Variants in MINDY2 observed in about 807,000 individuals in gnomAD.
MINDY2 encodes MINDY lysine 48 deubiquitinase 2.
In MINDY2, 52 loss-of-function variants were observed where a neutral mutation model predicts 68.2. That is an observed-to-expected ratio of 0.76 (90% CI 0.61 to 0.96). MINDY2 has a LOEUF of 0.96. MINDY2 is among the 40% of genes least tolerant of loss of function. MINDY2 has a pLI of 0.00. For missense variants in MINDY2, 881 were observed against 773.4 expected (o/e 1.14, Z -1.65); for synonymous variants, 372 against 303.0 (o/e 1.23, Z -2.36).
intron 5 of MINDY2, among the ~76,000 whole-genome samples, chr15:58,831,472 T>G (rs1359109841): frequency 6.6e-6 from 1 of 152,240 alleles, no homozygotes; most frequent in Admixed American, 6.5e-5. Context: ...AGTTTTATTG[T>G]GTCTGCTTTT....
intron 1 of MINDY2, among the ~76,000 whole-genome samples, chr15:58,775,032 T>C (rs1900691255): frequency 6.6e-6 from 1 of 152,206 alleles, no homozygotes; most frequent in Admixed American, 6.5e-5. Context: ...AGTAGAGCAG[T>C]ATTCTCAAAG....
At chr15:58,833,595 A>G (rs374080449) in intron 6 of MINDY2, among the ~76,000 whole-genome samples, 1 of 152,166 alleles carries the variant, frequency 6.6e-6, no homozygotes, top group Non-Finnish European at 1.5e-5. Flanking sequence ...CACGTGAACA[A>G]ATGTCTCTGC....
In MINDY2 at chr15:58,787,932, C is replaced by T. The variant is rs1567041998; in HGVS notation, c.867C>T (p.Ile289=). Residue 289 remains isoleucine, a synonymous_variant, in exon 2 of 9, where the codon ATC becomes ATT. Transcript: ENST00000559228. ...WKVKLPPMME[I]ITAEQLMEYL... ...TGAAACTTCCACCGATGATGGAAAT[C>T]ATAACTGCTGAGCAGCTGATGGAAT... 1 of 1,597,664 alleles carries T rather than the reference C, an allele frequency of 6.3e-7. No homozygotes were observed. The highest frequency in any genetic ancestry group is 8.5e-7 in the Non-Finnish European group (1 of 1,173,504).
intron 3 of MINDY2, among the ~76,000 whole-genome samples, chr15:58,808,062 CTTCCTTTTCA>C (rs1429892865): frequency 6.6e-6 from 1 of 151,952 alleles, no homozygotes; most frequent in African/African-American, 2.4e-5. Context: ...TCCATCCTTC[CTTCCTTTTCA>C]GTGCATTCAC....
chr15:58,771,328 G>T lies in MINDY2; in HGVS notation c.-68G>T. 1.3e-6 allele frequency: 2 copies of T among 1,542,646 alleles called. No homozygotes were observed. Among genetic ancestry groups the T allele is most frequent in the South Asian group, 2.4e-5 (2 of 83,908 alleles). ...CTGTTGCTGCCAATACAGCTGTCATGGCGTCCAAGGCGCTGGCTGCGGAGA... is the reference window on the plus strand; with the variant it reads ...CTGTTGCTGCCAATACAGCTGTCATTGCGTCCAAGGCGCTGGCTGCGGAGA... On this transcript the variant is annotated 5_prime_UTR_variant, in exon 1 of 9. It removes an upstream start codon present in the reference 5' UTR. Coordinates refer to ENST00000559228, the MANE Select transcript of MINDY2 (RefSeq NM_001040450.3).
chr15:58,816,504 C>G (rs1218909250), intron 4 of MINDY2, among the ~76,000 whole-genome samples: 1 of 151,994 alleles, frequency 6.6e-6, no homozygotes, highest in Admixed American at 6.6e-5. Flanking sequence ...TCAGATGGCT[C>G]AAGGAATCCT....
chr15:58,815,071 G>A (rs928907850), intron 4 of MINDY2, among the ~76,000 whole-genome samples: 2 of 152,032 alleles, frequency 1.3e-5, no homozygotes, highest in East Asian at 1.9e-4. Context: ...GAGTTTTATA[G>A]TTTTAGCACT....
At chr15:58,834,651 G>A (rs1257065868) in intron 6 of MINDY2, among the ~76,000 whole-genome samples, 1 of 151,902 alleles carries the variant, frequency 6.6e-6, no homozygotes, top group Non-Finnish European at 1.5e-5. Context: ...TCTTTTTTTA[G>A]CCCTTATTGG....
chr15:58,777,235 G>T (rs1195943979), intron 1 of MINDY2, among the ~76,000 whole-genome samples: 1 of 152,158 alleles, frequency 6.6e-6, no homozygotes, highest in Non-Finnish European at 1.5e-5. Flanking sequence ...CAAGACTTGG[G>T]CTTTTCTTTC....
At chr15:58,818,793 C>G (rs1287942160) in intron 4 of MINDY2, among the ~76,000 whole-genome samples, 1 of 151,788 alleles carries the variant, frequency 6.6e-6, no homozygotes, top group African/African-American at 2.4e-5. Flanking sequence ...GTGCCCACCA[C>G]CACGCCTGGC....
At chr15:58,844,106 C>CA (rs1307393393) in intron 6 of MINDY2, among the ~76,000 whole-genome samples, 1 of 151,996 alleles carries the variant, frequency 6.6e-6, no homozygotes, top group African/African-American at 2.4e-5. Context: ...CATAATCTAG[C>CA]AAAAGTGCTG....
rs1174972426 is a variant in MINDY2, at chr15:58,771,356, T to A, written c.-40T>A. 6.4e-7 allele frequency: 1 copy of A among 1,570,852 alleles called. No homozygotes were observed. The highest frequency in any genetic ancestry group is 2.4e-5 in the East Asian group (1 of 42,442). On this transcript the variant is annotated 5_prime_UTR_variant, in exon 1 of 9. Transcript: ENST00000559228. ...GTCCAAGGCGCTGGCTGCGGAGAAG[T>A]GGCCGCGGTCTCCATAGAGCTGGGG...
intron 1 of MINDY2, among the ~76,000 whole-genome samples, chr15:58,784,914 C>A (rs535133973): frequency 7.2e-5 from 11 of 151,794 alleles, no homozygotes; most frequent in Non-Finnish European, 1.5e-4. Context: ...GGACTGTAGA[C>A]GTGAGCCACC....
chr15:58,809,877 T>G (rs1222220207), intron 3 of MINDY2, among the ~76,000 whole-genome samples: 1 of 152,170 alleles, frequency 6.6e-6, no homozygotes, highest in Non-Finnish European at 1.5e-5. Context: ...CCTACTGGGT[T>G]CAAGTGATCC....
intron 5 of MINDY2, among the ~76,000 whole-genome samples, chr15:58,831,408 A>C (rs2031721370): frequency 6.6e-6 from 1 of 151,820 alleles, no homozygotes; most frequent in East Asian, 1.9e-4. Context: ...TTTCTTTCCC[A>C]CCCATTTTTA....
chr15:58,847,056 A>G (rs11071399), intron 6 of MINDY2, among the ~76,000 whole-genome samples: 87,162 of 151,950 alleles, frequency 0.57, 26,187 homozygotes, highest in Middle Eastern at 0.73. Flanking sequence ...CATTAGCTGA[A>G]CATGCCAAGA....
At position 58,834,627 on chromosome 15, in the gene MINDY2, T is replaced by C. The variant is rs201605979; in HGVS notation, c.1368+2711T>C. Among the ~76,000 whole-genome samples the C allele has an allele frequency of 5.3e-5, 8 of 152,306 alleles. No individual in the cohort carries two copies. In the East Asian group the frequency reaches 1.5e-3, roughly 29 times the overall value. On this transcript the variant is annotated intron_variant, in intron 6 of 8. Transcript: ENST00000559228. The stretch of plus-strand genomic sequence containing the variant: ...AATTCTCTAACCATCATCTAGCTGT[T>C]ATTGGCTACATCATCTTTTTTTAGC...
chr15:58,831,041 G>GTGTGTATATATATATATATATA (rs565786025), intron 5 of MINDY2, among the ~76,000 whole-genome samples: 205 of 124,834 alleles, frequency 1.6e-3, no homozygotes, highest in East Asian at 6.5e-3. Context: ...GTGTGTGTGT[G>GTGTGTATATATATATATATATA]TATATATATA....
Position 58,851,965 on chromosome 15 carries a change from G to A in MINDY2, c.1737G>A (p.Gln579=), listed in dbSNP as rs759412691. 1.3e-6 allele frequency: 2 copies of A among 1,575,028 alleles called. No homozygotes were observed. Among genetic ancestry groups the A allele is most frequent in the South Asian group, 2.3e-5 (2 of 85,124 alleles). The part of the protein sequence containing the change: ...AAAAAASTQA[Q]QGQPAQASPS... ...CTGCTGCTGCTTCTACACAGGCTCA[G>A]GTAAAAACTAGTGTTTTGAGTCTTA... Residue 579 remains glutamine, a splice_region_variant and synonymous_variant, in exon 8 of 9, where the codon CAG becomes CAA. Transcript: ENST00000559228.
Sources: gnomAD v4.1 joint callset for allele counts (sites outside exome capture counted in the v4.1 genomes callset) on GRCh38, gnomAD v4.1.1 for gene constraint, MANE v1.5 for transcripts, NCBI Gene and HGNC (gene_info 2026-07-23, HGNC 2026-07-21) for gene names.